SIM1: variants seen among roughly 807,000 people sequenced by gnomAD.
SIM1 encodes the protein single-minded homolog 1.
Under a neutral mutation model 78.2 loss-of-function variants are expected in SIM1, and 18 were observed. The ratio of observed to expected loss-of-function variants is 0.23; its 90% CI spans 0.16 to 0.34. SIM1 has a LOEUF of 0.34. Ranked by LOEUF, SIM1 falls within the 10% of genes least tolerant of loss-of-function variation. SIM1 has a pLI of 1.00. For missense variants in SIM1, 939 were observed against 975.1 expected (o/e 0.96, Z 0.49); for synonymous variants, 417 against 385.2 (o/e 1.08, Z -0.97).
intron 2 of SIM1, 39 bp downstream of exon 2, chr6:100,463,255 C>T: frequency 6.4e-7 from 1 of 1,569,148 alleles, no homozygotes; most frequent in South Asian, 1.1e-5. Flanking sequence ...TCCCCGGCCC[C>T]TTCTGCCTTT....
At chr6:100,447,167 C>CG in intron 9 of SIM1, 101 bp downstream of exon 9, 2 of 1,375,178 alleles carry the variant, frequency 1.5e-6, no homozygotes, top group Non-Finnish European at 2.0e-6. Context: ...TGGCATTCCC[C>CG]GTGGCCCGAG....
rs558714406 is a variant in SIM1, at chr6:100,391,174, A to G, written c.1571-83T>C. On this transcript the variant is annotated intron_variant, in intron 11 of 11. Coordinates refer to ENST00000369208, the MANE Select transcript of SIM1 (RefSeq NM_005068.3). The stretch of plus-strand genomic sequence containing the variant: ...ATATTTCCTTTACCTATTAAAATAA[A>G]CTTTATATCTTTCATTTTTAATATA... The G allele has an allele frequency of 7.9e-6, 11 of 1,397,048 alleles. No individual in the cohort carries two copies. The African/African-American group carries it at 1.3e-4, about 17-fold the overall frequency. 86.5% of individuals were successfully genotyped at this position (1,397,048 alleles called of 1,614,324 possible).
At chr6:100,460,142 G>C (rs1185018333) in intron 2 of SIM1, among the ~76,000 whole-genome samples, 2 of 151,468 alleles carry the variant, frequency 1.3e-5, no homozygotes, top group Non-Finnish European at 2.9e-5. Flanking sequence ...CCATTTCTCT[G>C]TTCTCCCACT....
rs1363740320 is a variant in SIM1 at position 100,412,591 on chromosome 6, G to GAA, written c.1167+8197_1167+8198dup. On this transcript the variant is annotated intron_variant, in intron 10 of 11. Transcript: ENST00000369208. ...AGAAAGAAAGAAAGAAAGAAAGAAA[G>GAA]AAAGAAAGAAAGAAAGAAAGGAAAG... Among the ~76,000 whole-genome samples the GAA allele has an allele frequency of 7.6e-5, 7 of 91,746 alleles. 2 individuals carry two copies. Among genetic ancestry groups the GAA allele is most frequent in the African/African-American group, 2.7e-4 (7 of 25,632 alleles). 60.2% of individuals were successfully genotyped at this position (91,746 alleles called of 152,430 possible).
chr6:100,425,423 G>GT (rs1771701607), intron 9 of SIM1, among the ~76,000 whole-genome samples: 1 of 152,006 alleles, frequency 6.6e-6, no homozygotes, highest in African/African-American at 2.4e-5. Context: ...TAGCAAATGG[G>GT]GACCTTATGC....
intron 10 of SIM1, among the ~76,000 whole-genome samples, chr6:100,412,563 G>GAA (rs771901483): frequency 2.2e-5 from 1 of 45,868 alleles, no homozygotes; most frequent in East Asian, 9.2e-4. Context: ...AGAAAAGAAA[G>GAA]AAAGAAAGAA....
chr6:100,422,716 G>A (rs377481116), intron 9 of SIM1, among the ~76,000 whole-genome samples: 6 of 152,098 alleles, frequency 3.9e-5, no homozygotes, highest in African/African-American at 1.4e-4. Flanking sequence ...CACACATAAT[G>A]ATGAATATAT....
At chr6:100,454,817 G>C (rs551125874) in intron 2 of SIM1, among the ~76,000 whole-genome samples, 7 of 152,236 alleles carry the variant, frequency 4.6e-5, no homozygotes, top group Non-Finnish European at 8.8e-5. Flanking sequence ...CCCTTTTGCG[G>C]AAAGAAAAAA....
At chr6:100,425,066 G>A (rs540810892) in intron 9 of SIM1, among the ~76,000 whole-genome samples, 6 of 152,196 alleles carry the variant, frequency 3.9e-5, no homozygotes, top group African/African-American at 1.4e-4. Context: ...GAATCATGGG[G>A]GCCAGTCTTT....
chr6:100,407,645 G>A (rs1180478721), intron 10 of SIM1, among the ~76,000 whole-genome samples: 1 of 151,966 alleles, frequency 6.6e-6, no homozygotes, highest in African/African-American at 2.4e-5. Flanking sequence ...CATTCTAACA[G>A]GTACAAGGTG....
chr6:100,393,928 C>A (rs1770709107), intron 10 of SIM1, 39 bp from the exon 11 acceptor site: 2 of 1,511,284 alleles, frequency 1.3e-6, no homozygotes, highest in African/African-American at 2.8e-5. Context: ...TTTCAAAAAT[C>A]AATCGATCAG....
chr6:100,458,031 T>C lies in SIM1; in HGVS notation c.176-4187A>G, dbSNP rs866967071. ...TTCTCTCTCTCTCTCTCTCTCTCTCTCTCTCTCTCTCTCTCTCTCTCTCTC... is the reference window on the plus strand; with the variant it reads ...TTCTCTCTCTCTCTCTCTCTCTCTCCCTCTCTCTCTCTCTCTCTCTCTCTC... On this transcript the variant is annotated intron_variant, in intron 2 of 11. Coordinates refer to ENST00000369208, the MANE Select transcript of SIM1 (RefSeq NM_005068.3). 2.2e-3 allele frequency among the ~76,000 whole-genome samples: 150 copies of C among 67,616 alleles called. 5 individuals carry two copies. The highest frequency in any genetic ancestry group is 7.7e-3 in the Middle Eastern group (1 of 130). 44.4% of individuals were successfully genotyped at this position (67,616 alleles called of 152,430 possible). A position where few individuals can be genotyped will look rare whatever the true frequency, so the allele number is the denominator to read the frequency against.
At chr6:100,405,690 A>G (rs1045572064) in intron 10 of SIM1, among the ~76,000 whole-genome samples, 2 of 152,282 alleles carry the variant, frequency 1.3e-5, no homozygotes, top group African/African-American at 2.4e-5. Flanking sequence ...ATATGCCTCA[A>G]ATGTGGTTTG....
At position 100,390,398 on chromosome 6, in the gene SIM1, T is replaced by C. The variant is rs765589962; in HGVS notation, c.2264A>G (p.His755Arg). 6.2e-7 allele frequency: 1 copy of C among 1,614,104 alleles called. No individual in the cohort carries two copies. The highest frequency in any genetic ancestry group is 1.7e-5 in the Admixed American group (1 of 60,020). Reference protein sequence around the residue: ...LRMQPDPAQGHKGTSVIITNG... With the variant: ...LRMQPDPAQGRKGTSVIITNG... ...GGTTATTATAACAGATGTTCCCTTG[T>C]GTCCTTGTGCTGGGTCTGGTTGCAT... The change falls in exon 12 of 12, where the codon CAC becomes CGC. Residue 755 changes from histidine to arginine, a missense_variant. His to Arg is a conservative substitution (Grantham distance 29). This residue lies in a region of SIM1 where 556 missense variants were observed against 521.9 expected (regional missense o/e 1.07). Transcript: ENST00000369208.
At chr6:100,394,033 T>C in intron 10 of SIM1, 144 bp from the exon 11 acceptor site, 1 of 751,012 alleles carries the variant, frequency 1.3e-6, no homozygotes, top group Non-Finnish European at 2.0e-6. Context: ...AACCGTTGCT[T>C]TGGCATCATG....
At chr6:100,459,158 T>C (rs770123560) in intron 2 of SIM1, among the ~76,000 whole-genome samples, 2 of 152,248 alleles carry the variant, frequency 1.3e-5, no homozygotes, top group African/African-American at 2.4e-5. Context: ...CGTTTTATCA[T>C]TAGACGGGTG....
chr6:100,431,162 C>A (rs1193228157), intron 9 of SIM1, among the ~76,000 whole-genome samples: 1 of 152,158 alleles, frequency 6.6e-6, no homozygotes, highest in Non-Finnish European at 1.5e-5. Flanking sequence ...TGGCATGATG[C>A]AATGTTTTCA....
chr6:100,395,067 T>C (rs575380483), intron 10 of SIM1, among the ~76,000 whole-genome samples: 9 of 152,292 alleles, frequency 5.9e-5, no homozygotes, highest in African/African-American at 1.4e-4. Context: ...AAATGCTTGA[T>C]AGATCTCCCT....
chr6:100,454,479 C>G (rs1055665252), intron 2 of SIM1, among the ~76,000 whole-genome samples: 1 of 152,168 alleles, frequency 6.6e-6, no homozygotes, highest in Non-Finnish European at 1.5e-5. Context: ...CCCCTCCTAG[C>G]CCTCTGCCTT....
Sources: gnomAD v4.1 joint callset for allele counts (sites outside exome capture counted in the v4.1 genomes callset) on GRCh38, gnomAD v4.1.1 for gene constraint, gnomAD v4.1.1 regional missense constraint, MANE v1.5 for transcripts, NCBI Gene and HGNC (gene_info 2026-07-23, HGNC 2026-07-21) for gene names.